ATP8A2: variants seen among roughly 807,000 people sequenced by gnomAD.
ATP8A2 encodes the protein phospholipid-transporting ATPase IB.
A neutral mutation model predicts 165.6 loss-of-function variants in ATP8A2; 100 were observed. The ratio of observed to expected loss-of-function variants is 0.60; its 90% CI spans 0.51 to 0.71. ATP8A2 has a LOEUF of 0.71. ATP8A2 is among the 30% of genes least tolerant of loss of function. ATP8A2 has a pLI of 0.00. For missense variants in ATP8A2, 1,227 were observed against 1,479.5 expected (o/e 0.83, Z 2.80); for synonymous variants, 543 against 548.8 (o/e 0.99, Z 0.15).
At chr13:25,876,689 G>T (rs1210565148) in intron 33 of ATP8A2, among the ~76,000 whole-genome samples, 2 of 152,170 alleles carry the variant, frequency 1.3e-5, no homozygotes, top group Admixed American at 6.5e-5. Flanking sequence ...AAAGGAAATG[G>T]AGGGAATATC....
intron 33 of ATP8A2, among the ~76,000 whole-genome samples, chr13:25,922,311 A>G (rs1461547485): frequency 2.6e-5 from 4 of 152,214 alleles, no homozygotes; most frequent in African/African-American, 4.8e-5. Context: ...AGGTGGATTT[A>G]TAGGTGTTTA....
intron 1 of ATP8A2, among the ~76,000 whole-genome samples, chr13:25,413,659 A>C (rs2034043880): frequency 6.6e-6 from 1 of 152,270 alleles, no homozygotes; most frequent in South Asian, 2.1e-4. Flanking sequence ...TGTAGTGTGG[A>C]GTTCAAGCCA....
At chr13:25,995,473 A>G (rs2181883) in intron 35 of ATP8A2, among the ~76,000 whole-genome samples, 151,346 of 151,736 alleles carry the variant, frequency 1, 75,481 homozygotes, top group Middle Eastern at 1. Context: ...TGTTTTAACC[A>G]TGTACCACAA....
chr13:25,711,522 C>T (rs2043158110), intron 25 of ATP8A2, among the ~76,000 whole-genome samples: 1 of 151,692 alleles, frequency 6.6e-6, no homozygotes, highest in African/African-American at 2.4e-5. Context: ...CCAGCCTGGG[C>T]AACACAGTGA....
chr13:25,394,628 A>G lies in ATP8A2; in HGVS notation c.76+22340A>G, dbSNP rs945756884. Among the ~76,000 whole-genome samples, 2 of 152,210 alleles carry G rather than the reference A, an allele frequency of 1.3e-5. 1 individual carries two copies. The highest frequency in any genetic ancestry group is 4.1e-4 in the South Asian group (2 of 4,824). On this transcript the variant is annotated intron_variant, in intron 1 of 36. Coordinates refer to ENST00000381655, the MANE Select transcript of ATP8A2 (RefSeq NM_016529.6). ...TTGCCAGGCCTGTGAAGGGGACCATAATATGTCACCCTGAAATATGCCTTT... is the reference window on the plus strand; with the variant it reads ...TTGCCAGGCCTGTGAAGGGGACCATGATATGTCACCCTGAAATATGCCTTT...
intron 2 of ATP8A2, among the ~76,000 whole-genome samples, chr13:25,502,866 T>C (rs184528884): frequency 2.6e-5 from 4 of 152,288 alleles, no homozygotes; most frequent in African/African-American, 9.6e-5. Flanking sequence ...CAATCGTGTG[T>C]AGGTATAGTG....
intron 28 of ATP8A2, among the ~76,000 whole-genome samples, chr13:25,832,884 GTACGTA>G (rs1566184345): frequency 6.6e-6 from 1 of 152,140 alleles, no homozygotes; most frequent in Non-Finnish European, 1.5e-5. Flanking sequence ...AACAATTTCT[GTACGTA>G]TACACATATG....
chr13:25,762,121 T>C (rs1294400207), intron 25 of ATP8A2, among the ~76,000 whole-genome samples: 1 of 151,486 alleles, frequency 6.6e-6, no homozygotes, highest in Non-Finnish European at 1.5e-5. Flanking sequence ...AGAAAAAAAT[T>C]AGCTGGGTGT....
At chr13:25,623,745 A>T (rs1287390765) in intron 24 of ATP8A2, among the ~76,000 whole-genome samples, 6 of 152,104 alleles carry the variant, frequency 3.9e-5, no homozygotes, top group Non-Finnish European at 7.4e-5. Flanking sequence ...TGTTATAGAA[A>T]TATGTGTGTG....
chr13:25,621,557 A>G (rs543889085), intron 24 of ATP8A2, among the ~76,000 whole-genome samples: 86 of 152,258 alleles, frequency 5.6e-4, no homozygotes, highest in African/African-American at 2.0e-3. Context: ...CCTTTTTAGA[A>G]TGAGCTCATT....
At chr13:25,577,934 A>G (rs569311772) in intron 20 of ATP8A2, among the ~76,000 whole-genome samples, 41 of 152,322 alleles carry the variant, frequency 2.7e-4, no homozygotes, top group Admixed American at 1.1e-3. Context: ...GAAGGAATGC[A>G]TGGGAATTCT....
At chr13:25,496,535 A>G (rs1425731604) in intron 2 of ATP8A2, among the ~76,000 whole-genome samples, 1 of 152,222 alleles carries the variant, frequency 6.6e-6, no homozygotes, top group Non-Finnish European at 1.5e-5. Context: ...AAAGGAGTGG[A>G]TATTTGAAGG....
At chr13:25,440,793 T>A (rs9511806) in intron 1 of ATP8A2, among the ~76,000 whole-genome samples, 1 of 152,052 alleles carries the variant, frequency 6.6e-6, no homozygotes, top group African/African-American at 2.4e-5. Context: ...ATAGGTCATA[T>A]AGCTTAGAAT....
intron 2 of ATP8A2, among the ~76,000 whole-genome samples, chr13:25,528,614 A>C (rs982872636): frequency 1.3e-5 from 2 of 152,042 alleles, no homozygotes; most frequent in Non-Finnish European, 2.9e-5. Flanking sequence ...TCGCCCTTCT[A>C]TTGGGGTGCT....
intron 1 of ATP8A2, among the ~76,000 whole-genome samples, chr13:25,467,776 C>A (rs534245833): frequency 1.2e-3 from 185 of 152,268 alleles, no homozygotes; most frequent in Non-Finnish European, 2.0e-3. Flanking sequence ...TGGTCTCGAT[C>A]TCCTGACCTC....
chr13:25,651,815 T>C (rs2041819593), intron 24 of ATP8A2, among the ~76,000 whole-genome samples: 1 of 152,180 alleles, frequency 6.6e-6, no homozygotes, highest in Non-Finnish European at 1.5e-5. Flanking sequence ...AGGTATTCAT[T>C]ATTTAACTGA....
chr13:25,642,903 G>C (rs949505129), intron 24 of ATP8A2, among the ~76,000 whole-genome samples: 18 of 152,308 alleles, frequency 1.2e-4, no homozygotes, highest in South Asian at 4.1e-4. Context: ...GTGAGTTCAT[G>C]TCCTTTGTAG....
At chr13:25,404,065 T>G (rs532563794) in intron 1 of ATP8A2, among the ~76,000 whole-genome samples, 1 of 152,328 alleles carries the variant, frequency 6.6e-6, no homozygotes, top group South Asian at 2.1e-4. Flanking sequence ...GTATAATCCT[T>G]GCTCTCATGG....
intron 33 of ATP8A2, among the ~76,000 whole-genome samples, chr13:25,939,584 G>T (rs2139102157): frequency 6.6e-6 from 1 of 151,728 alleles, no homozygotes; most frequent in Middle Eastern, 3.4e-3. Flanking sequence ...TGCCAATGTG[G>T]AGACTCCTCT....
Sources: allele counts gnomAD v4.1 joint callset (sites outside exome capture counted in the v4.1 genomes callset), GRCh38; gene constraint gnomAD v4.1.1; transcripts MANE v1.5; gene names NCBI Gene and HGNC (gene_info 2026-07-23, HGNC 2026-07-21).